The following TBC1D1 variants were observed in gnomAD, a reference collection of about 807,000 sequenced individuals.
TBC1D1 encodes the protein TBC1 domain family member 1.
Under a neutral mutation model 125.6 loss-of-function variants are expected in TBC1D1, and 89 were observed. The ratio of observed to expected loss-of-function variants is 0.71; its 90% CI spans 0.60 to 0.85. The LOEUF (loss-of-function observed/expected upper bound fraction) is 0.85, where lower values mean the gene tolerates loss of function less well. Ranked by LOEUF, TBC1D1 falls within the 40% of genes least tolerant of loss-of-function variation. The pLI is 0.00. For missense variants in TBC1D1, 1,377 were observed against 1,469.2 expected (o/e 0.94, Z 1.03); for synonymous variants, 565 against 564.1 (o/e 1.00, Z -0.02).
intron 2 of TBC1D1, among the ~76,000 whole-genome samples, chr4:38,002,210 G>A (rs1739216383): frequency 6.6e-6 from 1 of 152,064 alleles, no homozygotes. Flanking sequence ...CGCTCTTGGG[G>A]GCATTGTAAT....
At chr4:38,130,485 T>C (rs1186665376) in intron 18 of TBC1D1, among the ~76,000 whole-genome samples, 1 of 152,228 alleles carries the variant, frequency 6.6e-6, no homozygotes, top group Non-Finnish European at 1.5e-5. Flanking sequence ...ACCAAAATTC[T>C]GGAACTTGAC....
chr4:37,954,361 A>T (rs1164340851), intron 2 of TBC1D1, among the ~76,000 whole-genome samples: 2 of 150,192 alleles, frequency 1.3e-5, no homozygotes, highest in Admixed American at 6.7e-5. Flanking sequence ...AAGGATTAAC[A>T]TTACTAATTT....
chr4:38,067,356 T>A (rs989968826), intron 12 of TBC1D1, among the ~76,000 whole-genome samples: 2 of 152,244 alleles, frequency 1.3e-5, no homozygotes, highest in African/African-American at 4.8e-5. Flanking sequence ...GAATGTTCGA[T>A]GAACAGCAGT....
At chr4:38,101,780 CGTCA>C (rs1760380042) in intron 14 of TBC1D1, among the ~76,000 whole-genome samples, 1 of 152,148 alleles carries the variant, frequency 6.6e-6, no homozygotes, top group Non-Finnish European at 1.5e-5. Flanking sequence ...GGTTTCTTGC[CGTCA>C]ATTTTGCCTC....
At chr4:38,063,959 GA>G (rs1170097068) in intron 12 of TBC1D1, among the ~76,000 whole-genome samples, 4 of 151,966 alleles carry the variant, frequency 2.6e-5, no homozygotes, top group Non-Finnish European at 1.5e-5. Flanking sequence ...TGTCCCCCTA[GA>G]AAAAAACCTG....
chr4:38,064,903 G>A (rs528901427), intron 12 of TBC1D1, among the ~76,000 whole-genome samples: 1 of 151,518 alleles, frequency 6.6e-6, no homozygotes, highest in East Asian at 1.9e-4. Flanking sequence ...GGGATTACAG[G>A]CGTGAGCCAC....
intron 2 of TBC1D1, among the ~76,000 whole-genome samples, chr4:37,969,348 G>A (rs1731617495): frequency 6.6e-6 from 1 of 152,100 alleles, no homozygotes; most frequent in African/African-American, 2.4e-5. Context: ...CTGTGTTTTT[G>A]TTTGTTTGTT....
At chr4:38,030,113 C>CT (rs980836791) in intron 7 of TBC1D1, among the ~76,000 whole-genome samples, 3 of 152,134 alleles carry the variant, frequency 2.0e-5, no homozygotes, top group Non-Finnish European at 4.4e-5. Flanking sequence ...TGTGGGTTTT[C>CT]TTTTTTGTCT....
At chr4:38,042,068 C>CG (rs1748497271) in intron 8 of TBC1D1, among the ~76,000 whole-genome samples, 1 of 151,668 alleles carries the variant, frequency 6.6e-6, no homozygotes, top group African/African-American at 2.4e-5. Flanking sequence ...CCCAGCTACT[C>CG]GGGAGGCTGA....
At chr4:38,035,496 T>C in intron 7 of TBC1D1, 92 bp from the exon 8 acceptor site, 1 of 925,292 alleles carries the variant, frequency 1.1e-6, no homozygotes, top group Non-Finnish European at 1.7e-6. Context: ...AGCACTAGTT[T>C]AGTGGATGGA....
At position 37,977,370 on chromosome 4, in the gene TBC1D1, G is replaced by C. The variant is rs1389711794; in HGVS notation, c.418-37139G>C. 1 of 367,008 alleles carries C rather than the reference G, an allele frequency of 2.7e-6. No individual in the cohort carries two copies. Among genetic ancestry groups the C allele is most frequent in the Middle Eastern group, 1.3e-3 (1 of 750 alleles). The allele number at this position is 367,008 out of a possible 1,614,324, so 22.7% of individuals were successfully genotyped here. On this transcript the variant is annotated intron_variant, in intron 2 of 19. Coordinates refer to ENST00000261439, the MANE Select transcript of TBC1D1 (RefSeq NM_015173.4). This position sits in a 1 kb window ranked among gnomAD's most constrained non-coding sequence, Gnocchi z 4.3. ...CTGGGTGGAGCCCGCCGCCGCCGCC[G>C]CCGCCGCCGGGGAGAGCGATGCCCC...
chr4:38,104,760 T>TTA (rs199867624), intron 15 of TBC1D1, among the ~76,000 whole-genome samples: 1 of 150,186 alleles, frequency 6.7e-6, no homozygotes, highest in Non-Finnish European at 1.5e-5. Context: ...TTTTTTTTTT[T>TTA]AATTTTTTTT....
At chr4:38,117,288 G>A (rs1222039020) in intron 16 of TBC1D1, among the ~76,000 whole-genome samples, 1 of 151,930 alleles carries the variant, frequency 6.6e-6, no homozygotes, top group Non-Finnish European at 1.5e-5. Context: ...GTAGGTTGTT[G>A]TTTCTTTAGG....
chr4:38,016,603 C>T (rs761538168), intron 3 of TBC1D1, among the ~76,000 whole-genome samples: 6 of 152,196 alleles, frequency 3.9e-5, no homozygotes, highest in Non-Finnish European at 8.8e-5. Context: ...GTCCCACATG[C>T]CCCCAAGAAG....
chr4:38,115,659 G>A (rs775028867), intron 15 of TBC1D1, 51 bp from the exon 18 acceptor site: 2 of 1,563,548 alleles, frequency 1.3e-6, no homozygotes, highest in South Asian at 2.4e-5. Flanking sequence ...GGTTCAATAG[G>A]CTTTCTTTTT....
intron 12 of TBC1D1, among the ~76,000 whole-genome samples, chr4:38,055,360 CTAAAG>C (rs1401636390): frequency 6.6e-6 from 1 of 152,314 alleles, no homozygotes; most frequent in East Asian, 1.9e-4. Context: ...AATAAACTGT[CTAAAG>C]TTACCACCTA....
At chr4:37,911,662 A>G (rs550490339) in intron 2 of TBC1D1, among the ~76,000 whole-genome samples, 2 of 152,306 alleles carry the variant, frequency 1.3e-5, no homozygotes, top group South Asian at 4.1e-4. Context: ...TTTGGTGTTC[A>G]TTCATTTATT....
At chr4:38,052,267 A>G (rs1429896522) in intron 11 of TBC1D1, among the ~76,000 whole-genome samples, 1 of 150,486 alleles carries the variant, frequency 6.6e-6, no homozygotes. Context: ...TAATTTTACT[A>G]TTGATGACTT....
At chr4:37,965,981 G>C (rs1341312174) in intron 2 of TBC1D1, among the ~76,000 whole-genome samples, 1 of 151,932 alleles carries the variant, frequency 6.6e-6, no homozygotes, top group Non-Finnish European at 1.5e-5. Context: ...TCCTGACCTC[G>C]AGTGATTCAC....
Sources: allele counts gnomAD v4.1 joint callset (sites outside exome capture counted in the v4.1 genomes callset), GRCh38; gene constraint gnomAD v4.1.1; non-coding constraint Gnocchi (gnomAD v3.1); transcripts MANE v1.5; gene names NCBI Gene and HGNC (gene_info 2026-07-23, HGNC 2026-07-21).